Variants in MKRN2 observed in about 807,000 individuals in gnomAD.
The protein encoded by MKRN2 is makorin ring finger protein 2.
A neutral mutation model predicts 45.4 loss-of-function variants in MKRN2; 32 were observed. The ratio of observed to expected loss-of-function variants is 0.70; its 90% CI spans 0.53 to 0.95. The LOEUF (loss-of-function observed/expected upper bound fraction) is 0.95, where lower values mean the gene tolerates loss of function less well. Ranked by LOEUF, MKRN2 falls within the 40% of genes least tolerant of loss-of-function variation. MKRN2 has a pLI of 0.00. For missense variants in MKRN2, 526 were observed against 536.7 expected (o/e 0.98, Z 0.20); for synonymous variants, 206 against 192.4 (o/e 1.07, Z -0.59).
At chr3:12,575,752 T>C (rs2058130778) in intron 5 of MKRN2, among the ~76,000 whole-genome samples, 1 of 152,210 alleles carries the variant, frequency 6.6e-6, no homozygotes, top group East Asian at 1.9e-4. Flanking sequence ...TTCTGGACAC[T>C]TCTTATAAAT....
At chr3:12,578,806 A>G (rs1226709408) in intron 6 of MKRN2, among the ~76,000 whole-genome samples, 2 of 149,146 alleles carry the variant, frequency 1.3e-5, no homozygotes, top group East Asian at 3.9e-4. Flanking sequence ...GAAACTATGC[A>G]TTACCTTTTT....
chr3:12,566,214 T>A (rs1329498140), intron 1 of MKRN2, among the ~76,000 whole-genome samples: 3 of 152,178 alleles, frequency 2.0e-5, no homozygotes, highest in Non-Finnish European at 4.4e-5. Context: ...GTGATTTGCC[T>A]GAGGTTCTAC....
chr3:12,563,312 C>T (rs1404521063), intron 1 of MKRN2, among the ~76,000 whole-genome samples: 7 of 152,200 alleles, frequency 4.6e-5, no homozygotes, highest in Non-Finnish European at 1.0e-4. Context: ...TAGGTCTGGT[C>T]AGCACTTCCT....
intron 4 of MKRN2, among the ~76,000 whole-genome samples, chr3:12,573,308 T>C (rs1575520811): frequency 6.6e-6 from 1 of 151,318 alleles, no homozygotes; most frequent in East Asian, 2.0e-4. Flanking sequence ...GCAGATTGCT[T>C]GACCCCAGGA....
intron 1 of MKRN2, among the ~76,000 whole-genome samples, chr3:12,559,890 G>C (rs892552385): frequency 5.9e-5 from 9 of 152,110 alleles, no homozygotes; most frequent in African/African-American, 2.2e-4. Flanking sequence ...ATCACTATTA[G>C]AAGACACAGG....
chr3:12,565,353 G>A (rs1162363024), intron 1 of MKRN2, among the ~76,000 whole-genome samples: 1 of 152,022 alleles, frequency 6.6e-6, no homozygotes, highest in East Asian at 1.9e-4. Flanking sequence ...CTATGAACTG[G>A]ATGTTAGATC....
At chr3:12,572,485 A>C in intron 4 of MKRN2, 112 bp downstream of exon 4, 1 of 1,011,596 alleles carries the variant, frequency 9.9e-7, no homozygotes. Flanking sequence ...ACTAAGTGAC[A>C]GAATTGTTGG....
intron 6 of MKRN2, 89 bp from the exon 7 acceptor site, chr3:12,581,719 A>T: frequency 7.0e-7 from 1 of 1,438,048 alleles, no homozygotes; most frequent in Non-Finnish European, 9.6e-7. Context: ...CCTCTGGCGT[A>T]AGGGTGGTAA....
In MKRN2 at chr3:12,573,550, A is replaced by T. The variant is rs140516771; in HGVS notation, c.642+1177A>T. Among the ~76,000 whole-genome samples the T allele has an allele frequency of 3.5e-3, 538 of 152,042 alleles. 2 individuals carry two copies. Among genetic ancestry groups the T allele is most frequent in the African/African-American group, 0.012 (500 of 41,468 alleles). On this transcript the variant is annotated intron_variant, in intron 4 of 7. Transcript: ENST00000170447. ...ACCCTGTCTCAAGAAAAATAATAAT[A>T]AAAAAATTTAAAAATGCCAGGTGTG... is the stretch of plus-strand genomic sequence containing the variant.
Position 12,582,312 on chromosome 3 carries a change from G to A in MKRN2, c.*59G>A. 1 of 1,606,010 alleles carries A rather than the reference G, an allele frequency of 6.2e-7. No homozygotes were observed. Among genetic ancestry groups the A allele is most frequent in the Non-Finnish European group, 8.5e-7 (1 of 1,174,278 alleles). The stretch of plus-strand genomic sequence containing the variant: ...TCGGCCGAAACTTTCCCAAGCCAGG[G>A]TGTGCGGAGCTTCCCTGTACTGCAG... On this transcript the variant is annotated 3_prime_UTR_variant, in exon 8 of 8. Transcript: ENST00000170447.
intron 1 of MKRN2, among the ~76,000 whole-genome samples, chr3:12,559,475 G>A (rs778710785): frequency 7.2e-5 from 11 of 151,922 alleles, no homozygotes; most frequent in Non-Finnish European, 1.5e-4. Flanking sequence ...CAAAGTTTTA[G>A]GTTTGTTTTC....
chr3:12,572,028 G>A, intron 3 of MKRN2, 41 bp from the exon 4 acceptor site: 2 of 1,521,530 alleles, frequency 1.3e-6, no homozygotes, highest in Non-Finnish European at 1.8e-6. Flanking sequence ...CAGAAAAATG[G>A]GGCCATTTTC....
chr3:12,557,286 G>GA, intron 1 of MKRN2, 110 bp downstream of exon 1: 28 of 1,400,564 alleles, frequency 2.0e-5, no homozygotes, highest in Non-Finnish European at 2.7e-5. Flanking sequence ...GACTCGGAAA[G>GA]TTACTCGGCT....
chr3:12,573,666 G>A (rs967891496), intron 4 of MKRN2, among the ~76,000 whole-genome samples: 2 of 152,182 alleles, frequency 1.3e-5, no homozygotes, highest in African/African-American at 4.8e-5. Context: ...GGACGAGGCA[G>A]GCGGATCACA....
chr3:12,575,551 A>G (rs540431600), intron 5 of MKRN2, among the ~76,000 whole-genome samples: 1 of 152,332 alleles, frequency 6.6e-6, no homozygotes, highest in South Asian at 2.1e-4. Context: ...TCTACTGTTC[A>G]GAACTCCACA....
At chr3:12,578,980 AAAAGGGTCCCAGCCTGTAG>A (rs1329079716) in intron 6 of MKRN2, among the ~76,000 whole-genome samples, 1 of 150,434 alleles carries the variant, frequency 6.6e-6, no homozygotes, top group East Asian at 1.9e-4. Flanking sequence ...CAGCCTGTAG[AAAAGGGTCCCAGCCTGTAG>A]AAAGGGGCTC....
chr3:12,557,251 G>A, intron 1 of MKRN2, 75 bp downstream of exon 1: 1 of 1,502,690 alleles, frequency 6.7e-7, no homozygotes, highest in Non-Finnish European at 8.9e-7. Flanking sequence ...CAGTGCTGTG[G>A]TCCGGGAACC....
intron 4 of MKRN2, 48 bp downstream of exon 4, chr3:12,572,421 G>A: frequency 2.0e-6 from 3 of 1,497,180 alleles, no homozygotes; most frequent in Admixed American, 4.5e-5. Flanking sequence ...AATCTGAAAT[G>A]TACTGAACAG....
intron 4 of MKRN2, 26 bp downstream of exon 4, chr3:12,572,399 C>T: frequency 2.0e-6 from 3 of 1,527,010 alleles, no homozygotes; most frequent in Non-Finnish European, 2.6e-6. Context: ...TTTGCATGAA[C>T]TCATGTTAAG....
Sources: allele counts gnomAD v4.1 joint callset (sites outside exome capture counted in the v4.1 genomes callset), GRCh38; gene constraint gnomAD v4.1.1; transcripts MANE v1.5; gene names NCBI Gene and HGNC (gene_info 2026-07-23, HGNC 2026-07-21).